Variants in KCNH7 observed in about 807,000 individuals in gnomAD.
The protein encoded by KCNH7 is voltage-gated inwardly rectifying potassium channel KCNH7.
KCNH7 carries 49 observed loss-of-function variants against 120.8 expected under a neutral mutation model. The observed-to-expected ratio is 0.41, with a 90% CI of 0.32 to 0.51. The LOEUF (loss-of-function observed/expected upper bound fraction) is 0.51. KCNH7 is among the 20% of genes least tolerant of loss of function. The pLI, the probability that KCNH7 is intolerant of heterozygous loss-of-function variation, is 0.38. For missense variants in KCNH7, 1,097 were observed against 1,446.6 expected (o/e 0.76, Z 3.92); for synonymous variants, 547 against 516.1 (o/e 1.06, Z -0.81).
intron 2 of KCNH7, among the ~76,000 whole-genome samples, chr2:162,675,624 T>G (rs746116705): frequency 1.3e-5 from 2 of 151,426 alleles, no homozygotes; most frequent in Non-Finnish European, 3.0e-5. Flanking sequence ...AGGTACAAAG[T>G]AAGATGCAAT....
In KCNH7 at chr2:162,380,289, T is replaced by A. The variant is rs537967646; in HGVS notation, c.2963-268A>T. ...TGTTTAGGATTTTGTTTTCTTTCTGTTTGTGCTAGGAGAAGATAAGAACAG... is the reference window on the plus strand; with the variant it reads ...TGTTTAGGATTTTGTTTTCTTTCTGATTGTGCTAGGAGAAGATAAGAACAG... On this transcript the variant is annotated intron_variant, in intron 13 of 15. Transcript: ENST00000332142. Among the ~76,000 whole-genome samples the A allele has an allele frequency of 1.1e-4, 17 of 150,652 alleles. No homozygotes were observed. In the South Asian group the frequency reaches 1.5e-3, roughly 13 times the overall value.
chr2:162,768,245 A>T (rs1682899016), intron 2 of KCNH7, among the ~76,000 whole-genome samples: 1 of 152,254 alleles, frequency 6.6e-6, no homozygotes, highest in African/African-American at 2.4e-5. Flanking sequence ...GACATAAAAA[A>T]GTAAGTGAAA....
In KCNH7 at chr2:162,435,553, A is replaced by T. The variant is rs756123420; in HGVS notation, c.1599T>A (p.Arg533=). The part of the protein sequence containing the change: ...IGLLKTARLL[R]LVRVARKLDR... ...CCAGTTTCCTGGCCACGCGCACAAG[A>T]CGGAGGAGTCGGGCAGTCTTCAAAA... The change falls in exon 8 of 16, where the codon CGT becomes CGA. Residue 533 remains arginine (R), a synonymous_variant. Coordinates refer to ENST00000332142, the MANE Select transcript of KCNH7 (RefSeq NM_033272.4). 3 of 1,611,808 alleles carry T rather than the reference A, an allele frequency of 1.9e-6. No individual in the cohort carries two copies. The highest frequency in any genetic ancestry group is 2.5e-6 in the Non-Finnish European group (3 of 1,178,530).
chr2:162,752,997 A>AGAAAAGAAAAGAAAGGAAAG, intron 2 of KCNH7, among the ~76,000 whole-genome samples: 1 of 143,386 alleles, frequency 7.0e-6, no homozygotes, highest in Non-Finnish European at 1.5e-5. Flanking sequence ...AGAAAAGAAA[A>AGAAAAGAAAAGAAAGGAAAG]GAAAAGAAAA....
At chr2:162,535,219 C>G (rs1692066905) in intron 3 of KCNH7, among the ~76,000 whole-genome samples, 1 of 151,564 alleles carries the variant, frequency 6.6e-6, no homozygotes, top group South Asian at 2.1e-4. Context: ...TTAATGATAC[C>G]TTGGAGGTAA....
At chr2:162,427,360 T>C (rs1573944229) in intron 8 of KCNH7, among the ~76,000 whole-genome samples, 1 of 152,224 alleles carries the variant, frequency 6.6e-6, no homozygotes, top group South Asian at 2.1e-4. Context: ...TTGTTCCATA[T>C]CCTCTCCAAC....
intron 6 of KCNH7, among the ~76,000 whole-genome samples, chr2:162,446,910 C>A (rs772784773): frequency 6.6e-6 from 1 of 151,990 alleles, no homozygotes; most frequent in Non-Finnish European, 1.5e-5. Flanking sequence ...TATAATTACA[C>A]CTTGATAAAT....
Position 162,371,873 on chromosome 2 carries a change from C to T in KCNH7, c.3547G>A (p.Gly1183Ser). The change falls in exon 16 of 16, where the codon GGT becomes AGT. Residue 1183 changes from glycine (G) to serine (S), a missense_variant. Coordinates refer to ENST00000332142, the MANE Select transcript of KCNH7 (RefSeq NM_033272.4). Reference sequence around the variant, plus strand: ...GGATCAGAAACATGCCTATGAAGACCCACGATTCCTACAGTGCTTAGGGAT... The same window carrying T: ...GGATCAGAAACATGCCTATGAAGACTCACGATTCCTACAGTGCTTAGGGAT... ...DSSLSTVGIV[G>S]LHRHVSDPGL... 1 of 1,613,184 alleles carries T rather than the reference C, an allele frequency of 6.2e-7. No individual in the cohort carries two copies.
chr2:162,612,153 G>C (rs1034439946), intron 2 of KCNH7, among the ~76,000 whole-genome samples: 1 of 152,110 alleles, frequency 6.6e-6, no homozygotes, highest in African/African-American at 2.4e-5. Context: ...AAATGGATGA[G>C]AAATGATCAG....
chr2:162,421,745 C>T (rs762089475), intron 9 of KCNH7, among the ~76,000 whole-genome samples: 20 of 152,036 alleles, frequency 1.3e-4, no homozygotes, highest in Non-Finnish European at 2.6e-4. Context: ...GTAATAGAGT[C>T]AAACAATGAA....
At chr2:162,694,331 C>G (rs1307046151) in intron 2 of KCNH7, among the ~76,000 whole-genome samples, 1 of 152,170 alleles carries the variant, frequency 6.6e-6, no homozygotes, top group African/African-American at 2.4e-5. Context: ...AACTTTAACT[C>G]CGAACTCAGA....
intron 2 of KCNH7, among the ~76,000 whole-genome samples, chr2:162,653,944 CAGA>C (rs1285329462): frequency 6.6e-6 from 1 of 152,042 alleles, no homozygotes; most frequent in African/African-American, 2.4e-5. Flanking sequence ...CATCCACATG[CAGA>C]AGAATAAAAT....
intron 2 of KCNH7, among the ~76,000 whole-genome samples, chr2:162,716,493 C>A (rs1687128870): frequency 6.6e-6 from 1 of 152,124 alleles, no homozygotes; most frequent in Non-Finnish European, 1.5e-5. Context: ...TATATGTGTT[C>A]TTTCATCTCT....
intron 9 of KCNH7, 59 bp downstream of exon 9, chr2:162,423,277 A>AT: frequency 6.2e-7 from 1 of 1,611,376 alleles, no homozygotes; most frequent in Non-Finnish European, 8.5e-7. Flanking sequence ...CTTTTATTCC[A>AT]TTTTGGCTAT....
chr2:162,517,637 C>T, intron 4 of KCNH7, 93 bp downstream of exon 4: 1 of 1,089,570 alleles, frequency 9.2e-7, no homozygotes, highest in Non-Finnish European at 1.3e-6. Context: ...TTCCCCAATG[C>T]ACAGAGATTA....
chr2:162,444,718 T>G (rs1688527232), intron 7 of KCNH7, among the ~76,000 whole-genome samples: 1 of 152,140 alleles, frequency 6.6e-6, no homozygotes, highest in Non-Finnish European at 1.5e-5. Context: ...TTCATCAACA[T>G]AAGCTTATTT....
chr2:162,384,345 A>G (rs745387022), intron 13 of KCNH7, among the ~76,000 whole-genome samples: 5 of 151,886 alleles, frequency 3.3e-5, no homozygotes, highest in Non-Finnish European at 7.4e-5. Context: ...CATAAGATAC[A>G]TATAAAGAAC....
In KCNH7 at chr2:162,400,349, T is replaced by C. The variant is rs1421853342; in HGVS notation, c.2247A>G (p.Ala749=). 5.0e-6 allele frequency: 8 copies of C among 1,612,378 alleles called. No homozygotes were observed. The highest frequency in any genetic ancestry group is 1.6e-4 in the Middle Eastern group (1 of 6,068). Residue 749 remains alanine (A), a synonymous_variant, in exon 10 of 16, where the codon GCA becomes GCG. Coordinates refer to ENST00000332142, the MANE Select transcript of KCNH7 (RefSeq NM_033272.4). The part of the protein sequence containing the change: ...LLQNCKAFRG[A]SKGCLRALAM... The stretch of plus-strand genomic sequence containing the variant: ...CCAAAGCTCTAAGGCAACCTTTACT[T>C]GCCCCCCGAAAGGCTTTGCAGTTTT...
chr2:162,546,273 A>T (rs1231699222), intron 2 of KCNH7, among the ~76,000 whole-genome samples: 1 of 152,280 alleles, frequency 6.6e-6, no homozygotes, highest in East Asian at 1.9e-4. Flanking sequence ...TACATTTATG[A>T]TCAGGAAGTT....
Sources: gnomAD v4.1 joint callset for allele counts (sites outside exome capture counted in the v4.1 genomes callset) on GRCh38, gnomAD v4.1.1 for gene constraint, MANE v1.5 for transcripts, NCBI Gene and HGNC (gene_info 2026-07-23, HGNC 2026-07-21) for gene names.